The following CMTM4 variants were observed in gnomAD, a reference collection of about 807,000 sequenced individuals.
The protein encoded by CMTM4 is CKLF like MARVEL transmembrane domain containing 4.
CMTM4 carries 8 observed loss-of-function variants against 19.0 expected under a neutral mutation model. The ratio of observed to expected loss-of-function variants is 0.42; its 90% confidence interval spans 0.25 to 0.76. The LOEUF is 0.76. Ranked by LOEUF, CMTM4 falls within the 30% of genes least tolerant of loss-of-function variation. CMTM4 has a pLI of 0.27. For synonymous variants in CMTM4, 106 were observed against 121.1 expected, an observed-to-expected ratio of 0.88 and a Z score of 0.82; for missense variants, 228 against 290.2, an observed-to-expected ratio of 0.79 and a Z score of 1.56.
At chr16:66,665,877 T>A (rs2016583299) in intron 1 of CMTM4, among the ~76,000 whole-genome samples, 1 of 151,186 alleles carries the variant, frequency 6.6e-6, no homozygotes, top group South Asian at 2.1e-4. Flanking sequence ...GAGACCAGCC[T>A]GGCCAACATG....
Position 66,620,534 on chromosome 16 carries a change from A to T in CMTM4, c.*1524T>A. 1.0e-6 allele frequency: 1 copy of T among 985,454 alleles called. No individual in the cohort carries two copies. Among genetic ancestry groups the T allele is most frequent in the Non-Finnish European group, 1.2e-6 (1 of 829,960 alleles). 61.0% of individuals were successfully genotyped at this position (985,454 alleles called of 1,614,324 possible). The stretch of plus-strand genomic sequence containing the variant: ...CTCAGATGCTGTCCTTTTCTGGGGA[A>T]TGAGACGCCACATGTCCATAAGGTG... On this transcript the variant is annotated 3_prime_UTR_variant, in exon 4 of 4. Coordinates refer to ENST00000394106, the MANE Select transcript of CMTM4 (RefSeq NM_181521.3).
intron 1 of CMTM4, among the ~76,000 whole-genome samples, chr16:66,667,443 A>G (rs1596947868): frequency 6.6e-6 from 1 of 152,240 alleles, no homozygotes; most frequent in East Asian, 1.9e-4. Flanking sequence ...TCAGGTTGTG[A>G]TATTAAATGA....
intron 1 of CMTM4, among the ~76,000 whole-genome samples, chr16:66,675,222 A>G (rs1461072236): frequency 6.6e-6 from 1 of 151,090 alleles, no homozygotes; most frequent in African/African-American, 2.4e-5. Context: ...CTGGGATTAC[A>G]GGCATGCGCC....
intron 1 of CMTM4, among the ~76,000 whole-genome samples, chr16:66,675,674 T>C (rs2016797740): frequency 6.6e-6 from 1 of 151,822 alleles, no homozygotes; most frequent in Non-Finnish European, 1.5e-5. Context: ...CTAGTGAAGG[T>C]GAGACATGGA....
Position 66,621,726 on chromosome 16 carries a change from A to C in CMTM4, c.*332T>G. 9.0e-7 allele frequency: 1 copy of C among 1,112,110 alleles called. No individual in the cohort carries two copies. Among genetic ancestry groups the C allele is most frequent in the Non-Finnish European group, 1.1e-6 (1 of 905,268 alleles). 68.9% of individuals were successfully genotyped at this position (1,112,110 alleles called of 1,614,324 possible). ...TCCTTCATATTTCCCCCCTCTTAGC[A>C]GCCCCATTTAATCCAAAGTCTTGTT... is the stretch of plus-strand genomic sequence containing the variant. On this transcript the variant is annotated 3_prime_UTR_variant, in exon 4 of 4. Transcript: ENST00000394106.
Position 66,621,180 on chromosome 16 carries a change from ATGC to A in CMTM4, c.*875_*877del, listed in dbSNP as rs2015628087. 3.0e-6 allele frequency: 3 copies of A among 985,562 alleles called. No individual in the cohort carries two copies. Among genetic ancestry groups the A allele is most frequent in the Non-Finnish European group, 3.6e-6 (3 of 829,932 alleles). 61.1% of individuals were successfully genotyped at this position (985,562 alleles called of 1,614,324 possible). On this transcript the variant is annotated 3_prime_UTR_variant, in exon 4 of 4. Transcript: ENST00000394106. The stretch of plus-strand genomic sequence containing the variant: ...TGCATGTGTGCGCGCACGCGTGTGC[ATGC>A]TGTTTTTTAACACAAACACCTCCCA...
chr16:66,613,728 T>G (rs1486761608), downstream of CMTM4: 2 of 152,488 alleles, frequency 1.3e-5, no homozygotes, highest in African/African-American at 2.4e-5. Flanking sequence ...AAAGCCATAA[T>G]GAATTAAGCC....
intron 1 of CMTM4, among the ~76,000 whole-genome samples, chr16:66,670,751 G>T (rs2016690039): frequency 1.3e-5 from 2 of 151,728 alleles, no homozygotes; most frequent in Admixed American, 1.3e-4. Flanking sequence ...AGTGAGCCAA[G>T]ATCGGGCCAC....
the CMTM4 span, among the ~76,000 whole-genome samples, chr16:66,607,934 T>G: frequency 1.3e-5 from 2 of 151,236 alleles, no homozygotes; most frequent in African/African-American, 4.9e-5. Context: ...AGCCTCGACC[T>G]CCCCGGGCTC....
intron 2 of CMTM4, among the ~76,000 whole-genome samples, chr16:66,628,286 C>T (rs1368352826): frequency 6.6e-6 from 1 of 152,182 alleles, no homozygotes; most frequent in African/African-American, 2.4e-5. Context: ...TTTTACTAAT[C>T]CTCCTCAGCA....
chr16:66,599,421 A>G, the CMTM4 span, among the ~76,000 whole-genome samples: 1 of 152,286 alleles, frequency 6.6e-6, no homozygotes, highest in South Asian at 2.1e-4. Flanking sequence ...CAAGGTCAAG[A>G]CACTTTTTCT....
intron 1 of CMTM4, among the ~76,000 whole-genome samples, chr16:66,662,698 T>G: frequency 6.6e-6 from 1 of 151,882 alleles, no homozygotes; most frequent in Non-Finnish European, 1.5e-5. Context: ...GCCTAGGACA[T>G]GGACACAGCT....
Position 66,619,449 on chromosome 16 carries a change from T to C in CMTM4, c.*2609A>G, listed in dbSNP as rs1007146523. 6 of 985,312 alleles carry C rather than the reference T, an allele frequency of 6.1e-6. No individual in the cohort carries two copies. Among genetic ancestry groups the C allele is most frequent in the Non-Finnish European group, 7.2e-6 (6 of 829,948 alleles). The allele number at this position is 985,312 out of a possible 1,614,324, so 61.0% of individuals were successfully genotyped here. The stretch of plus-strand genomic sequence containing the variant: ...GTCCCACCAGAACACTGAGAAAAAC[T>C]AAGGTCGCTCAGCCTTCAAATGCCC... On this transcript the variant is annotated 3_prime_UTR_variant, in exon 4 of 4. Transcript: ENST00000394106.
intron 2 of CMTM4, among the ~76,000 whole-genome samples, chr16:66,632,843 G>C (rs537937676): frequency 6.0e-4 from 91 of 152,172 alleles, no homozygotes; most frequent in African/African-American, 2.1e-3. Flanking sequence ...AGCACTTTGG[G>C]AGGCTGAGGC....
chr16:66,663,011 A>C (rs2016525796), intron 1 of CMTM4, among the ~76,000 whole-genome samples: 1 of 152,192 alleles, frequency 6.6e-6, no homozygotes, highest in Non-Finnish European at 1.5e-5. Context: ...TGGGTGGCAT[A>C]TACCGAGCAA....
chr16:66,636,678 A>G (rs757121778), intron 1 of CMTM4, 97 bp from the exon 2 acceptor site: 260 of 958,044 alleles, frequency 2.7e-4, no homozygotes, highest in Non-Finnish European at 3.3e-4. Context: ...GAACAACAAC[A>G]TACTGCCACT....
chr16:66,639,605 C>T (rs937797606), intron 1 of CMTM4, among the ~76,000 whole-genome samples: 2 of 152,164 alleles, frequency 1.3e-5, no homozygotes, highest in Non-Finnish European at 2.9e-5. Context: ...GGAAGAGTGG[C>T]TCATGCCTGT....
the CMTM4 span, among the ~76,000 whole-genome samples, chr16:66,600,827 T>A: frequency 6.6e-6 from 1 of 152,212 alleles, no homozygotes; most frequent in African/African-American, 2.4e-5. Context: ...TAAATGAATG[T>A]CAAGAAAGGC....
At chr16:66,610,909 A>G (rs1032033636), downstream of CMTM4, 1 of 398,504 alleles carries the variant, frequency 2.5e-6, no homozygotes, top group African/African-American at 2.1e-5. The surrounding 1 kb of genome is among the most constrained non-coding windows in gnomAD (Gnocchi z 4.6). Context: ...GCTGAAAATG[A>G]ATGCCACTCA....
Sources: gnomAD v4.1 joint callset for allele counts (sites outside exome capture counted in the v4.1 genomes callset) on GRCh38, gnomAD v4.1.1 for gene constraint, Gnocchi (gnomAD v3.1) non-coding constraint, MANE v1.5 for transcripts, NCBI Gene and HGNC (gene_info 2026-07-23, HGNC 2026-07-21) for gene names.